The following RBFOX1 variants were observed in gnomAD, a reference collection of about 807,000 sequenced individuals.
RBFOX1 encodes the protein RNA binding fox-1 homolog 1.
Under a neutral mutation model 57.7 loss-of-function variants are expected in RBFOX1, and 8 were observed. That is an observed-to-expected ratio of 0.14 (90% CI 0.08 to 0.25). RBFOX1 has a LOEUF of 0.25. Among genes scored for constraint, RBFOX1 ranks in the 10% least tolerant of loss-of-function variants. RBFOX1 has a pLI of 1.00. For synonymous variants in RBFOX1, 326 were observed against 222.4 expected, an observed-to-expected ratio of 1.47 and a Z score of -4.15; for missense variants, 611 against 548.5, an observed-to-expected ratio of 1.11 and a Z score of -1.14.
intron 4 of RBFOX1, among the ~76,000 whole-genome samples, chr16:7,114,791 G>C (rs543951360): frequency 2.6e-5 from 4 of 152,106 alleles, no homozygotes; most frequent in Non-Finnish European, 4.4e-5. Context: ...TTGCTAACTC[G>C]TTGTCCTAAG....
chr16:5,839,006 G>A (rs989220353), intron 3 of RBFOX1, among the ~76,000 whole-genome samples: 17 of 152,144 alleles, frequency 1.1e-4, no homozygotes, highest in South Asian at 2.1e-4. Context: ...TTCACAGCTC[G>A]CTGGGGAGTG....
intron 13 of RBFOX1, among the ~76,000 whole-genome samples, chr16:7,667,269 G>C (rs185181217): frequency 1.3e-3 from 203 of 152,260 alleles, no homozygotes; most frequent in African/African-American, 4.8e-3. Flanking sequence ...TGGACAGCAG[G>C]AAACTAGCCT....
At chr16:5,512,049 T>C (rs990348402) in intron 2 of RBFOX1, among the ~76,000 whole-genome samples, 2 of 152,174 alleles carry the variant, frequency 1.3e-5, no homozygotes, top group African/African-American at 4.8e-5. Flanking sequence ...AACAATTGCA[T>C]GCAAGATGGA....
At chr16:5,335,274 C>T (rs1267955922) in intron 1 of RBFOX1, among the ~76,000 whole-genome samples, 1 of 152,178 alleles carries the variant, frequency 6.6e-6, no homozygotes, top group African/African-American at 2.4e-5. Flanking sequence ...TTGGTTCATT[C>T]ATTGCATAAA....
At chr16:6,673,727 G>A (rs1197338206) in intron 3 of RBFOX1, among the ~76,000 whole-genome samples, 2 of 152,184 alleles carry the variant, frequency 1.3e-5, no homozygotes, top group African/African-American at 4.8e-5. Context: ...AAGAGGCTAT[G>A]GACAAAGGCA....
At chr16:6,177,528 G>T (rs1034082676) in intron 1 of RBFOX1, among the ~76,000 whole-genome samples, 2 of 152,094 alleles carry the variant, frequency 1.3e-5, no homozygotes, top group African/African-American at 2.4e-5. Context: ...TTCAGGTTCA[G>T]TGACTGCCTT....
intron 1 of RBFOX1, among the ~76,000 whole-genome samples, chr16:5,404,983 A>C (rs1443816122): frequency 6.6e-6 from 1 of 152,234 alleles, no homozygotes; most frequent in Non-Finnish European, 1.5e-5. Flanking sequence ...AGCTTTCTAC[A>C]TGCCATGGAC....
In RBFOX1 at chr16:7,532,747, C is replaced by G. The variant is rs143653412; in HGVS notation, c.270+14358C>G. 1.5e-4 allele frequency among the ~76,000 whole-genome samples: 23 copies of G among 152,348 alleles called. No individual in the cohort carries two copies. The East Asian group carries it at 4.2e-3, about 28-fold the overall frequency. On this transcript the variant is annotated intron_variant, in intron 5 of 15. Transcript: ENST00000550418. The stretch of plus-strand genomic sequence containing the variant: ...TTTTATTGGAACACAGTCACACTAA[C>G]TGGTTCACATATTGCCTATGGCTGC...
intron 4 of RBFOX1, among the ~76,000 whole-genome samples, chr16:7,067,406 G>A (rs561572936): frequency 2.7e-5 from 4 of 150,826 alleles, no homozygotes; most frequent in East Asian, 1.9e-4. Flanking sequence ...CTGAAATGTC[G>A]CCAAGGCTGT....
intron 3 of RBFOX1, among the ~76,000 whole-genome samples, chr16:5,617,851 C>G (rs2048083559): frequency 1.3e-5 from 2 of 152,116 alleles, no homozygotes; most frequent in African/African-American, 2.4e-5. Context: ...CTCTCCTTCC[C>G]CTAGGCAGCA....
At chr16:7,604,375 T>C (rs1451526017) in intron 9 of RBFOX1, among the ~76,000 whole-genome samples, 1 of 152,214 alleles carries the variant, frequency 6.6e-6, no homozygotes, top group Non-Finnish European at 1.5e-5. Context: ...AAGCATTTCA[T>C]TTTGCAGCAC....
intron 15 of RBFOX1, chr16:7,710,072 G>A (rs903169903): frequency 6.0e-6 from 6 of 1,000,534 alleles, no homozygotes; most frequent in Non-Finnish European, 7.1e-6. Flanking sequence ...ATTCAGCCAT[G>A]ATTTGGAAGC....
chr16:6,805,606 A>C (rs2086576284), intron 3 of RBFOX1, among the ~76,000 whole-genome samples: 1 of 149,962 alleles, frequency 6.7e-6, no homozygotes, highest in Non-Finnish European at 1.5e-5. Context: ...AATGAAGAGC[A>C]AATCAAATTA....
At chr16:6,193,391 A>ATATAT (rs1567650996) in intron 1 of RBFOX1, among the ~76,000 whole-genome samples, 1 of 15,752 alleles carries the variant, frequency 6.3e-5, no homozygotes, top group African/African-American at 1.2e-4. Context: ...ATATATATAT[A>ATATAT]CTATATATAT....
intron 1 of RBFOX1, among the ~76,000 whole-genome samples, chr16:6,273,307 A>G (rs1047201759): frequency 2.9e-4 from 43 of 148,982 alleles, no homozygotes; most frequent in Non-Finnish European, 5.2e-4. Context: ...AATCTTTGAG[A>G]TTTAAAGCTA....
At chr16:6,703,326 C>T (rs530149004) in intron 3 of RBFOX1, among the ~76,000 whole-genome samples, 18 of 152,126 alleles carry the variant, frequency 1.2e-4, no homozygotes, top group African/African-American at 4.3e-4. Context: ...TGTGATCCAG[C>T]ACTTAGGGAG....
chr16:7,518,507 A>G, intron 5 of RBFOX1, 118 bp downstream of exon 5: 1 of 1,343,544 alleles, frequency 7.4e-7, no homozygotes, highest in Middle Eastern at 2.0e-4. Context: ...ATCAGTCCCT[A>G]AGCCCACCCT....
At chr16:5,797,941 G>A (rs184208805) in intron 3 of RBFOX1, among the ~76,000 whole-genome samples, 26 of 152,298 alleles carry the variant, frequency 1.7e-4, no homozygotes, top group African/African-American at 5.5e-4. Context: ...CACCATAGAA[G>A]AGATGCTCAG....
chr16:6,097,077 A>T lies in RBFOX1; in HGVS notation c.-127+77085A>T, dbSNP rs2096253852. Reference sequence around the variant, plus strand: ...GGGTGGTTTCCCCCATACTGTTGTCATGGTGGTGAGTAAGTCTTACTAGAT... The same window carrying T: ...GGGTGGTTTCCCCCATACTGTTGTCTTGGTGGTGAGTAAGTCTTACTAGAT... On this transcript the variant is annotated intron_variant, in intron 1 of 15. Coordinates refer to ENST00000550418, the MANE Select transcript of RBFOX1 (RefSeq NM_018723.4). This position sits in a 1 kb window ranked among gnomAD's most constrained non-coding sequence, Gnocchi z 5.0. Among the ~76,000 whole-genome samples, 1 of 152,126 alleles carries T rather than the reference A, an allele frequency of 6.6e-6. No homozygotes were observed. Among genetic ancestry groups the T allele is most frequent in the Non-Finnish European group, 1.5e-5 (1 of 68,024 alleles).
Sources: gnomAD v4.1 joint callset for allele counts (sites outside exome capture counted in the v4.1 genomes callset) on GRCh38, gnomAD v4.1.1 for gene constraint, Gnocchi (gnomAD v3.1) non-coding constraint, MANE v1.5 for transcripts, NCBI Gene and HGNC (gene_info 2026-07-23, HGNC 2026-07-21) for gene names.